MTAP: variants seen among roughly 807,000 people sequenced by gnomAD.
The protein encoded by MTAP is methylthioadenosine phosphorylase, also known as S-methyl-5'-thioadenosine phosphorylase.
MTAP carries 33 observed loss-of-function variants against 33.6 expected under a neutral mutation model. The ratio of observed to expected loss-of-function variants is 0.98; its 90% confidence interval spans 0.74 to 1.31. The LOEUF is 1.31. Ranked by LOEUF, MTAP falls within the 40% of genes most tolerant of loss-of-function variation. MTAP has a pLI of 0.00. For missense variants in MTAP, 367 were observed against 360.0 expected, an observed-to-expected ratio of 1.02 and a Z score of -0.16; for synonymous variants, 148 against 125.7, an observed-to-expected ratio of 1.18 and a Z score of -1.19.
intron 5 of MTAP, among the ~76,000 whole-genome samples, chr9:21,847,903 G>A (rs1445214048): frequency 6.6e-6 from 1 of 152,218 alleles, no homozygotes; most frequent in African/African-American, 2.4e-5. Flanking sequence ...TACTGTTAAA[G>A]TGAGAGCATT....
intron 1 of MTAP, 154 bp downstream of exon 1, chr9:21,802,935 G>A (rs1375539617): frequency 2.1e-6 from 3 of 1,427,066 alleles, no homozygotes; most frequent in South Asian, 1.5e-5. Flanking sequence ...GGACTCACTT[G>A]CCGCGCGAGG....
In MTAP at chr9:21,838,009, A is replaced by C. The variant is rs1009773463; in HGVS notation, c.449A>C (p.Glu150Ala). The change falls in exon 5 of 8, where the codon GAG (glutamate) becomes GCG (alanine). Residue 150 changes from glutamate (E) to alanine (A), a missense_variant and splice_region_variant. Coordinates refer to ENST00000644715, the MANE Select transcript of MTAP (RefSeq NM_002451.4). Reference protein sequence around the residue: ...MAEPFCPKTREVLIETAKKLG... With the variant: ...MAEPFCPKTRAVLIETAKKLG... Reference sequence around the variant, plus strand: ...GAGCCGTTTTGCCCCAAAACGAGAGAGGTGTGTAGTCTTTCTGGAAGGTGT... The same window carrying C: ...GAGCCGTTTTGCCCCAAAACGAGAGCGGTGTGTAGTCTTTCTGGAAGGTGT... 4.3e-6 allele frequency: 7 copies of C among 1,612,554 alleles called. No homozygotes were observed. The highest frequency in any genetic ancestry group is 1.7e-5 in the Admixed American group (1 of 59,978).
intron 4 of MTAP, among the ~76,000 whole-genome samples, chr9:21,827,066 A>G (rs1219681994): frequency 6.6e-6 from 1 of 152,174 alleles, no homozygotes; most frequent in Non-Finnish European, 1.5e-5. Context: ...ATCTTCCATG[A>G]AATCAGTCCC....
chr9:21,864,017 T>C lies in MTAP; in HGVS notation c.*2003T>C. 1 of 985,660 alleles carries C rather than the reference T, an allele frequency of 1.0e-6. No homozygotes were observed. The highest frequency in any genetic ancestry group is 1.2e-6 in the Non-Finnish European group (1 of 829,930). The allele number at this position is 985,660 out of a possible 1,614,324, so 61.1% of individuals were successfully genotyped here. On this transcript the variant is annotated 3_prime_UTR_variant, in exon 8 of 8. Transcript: ENST00000644715. ...CTTCTCTAGCTCTGGTAACGTGTGA[T>C]TGTTTTCACTACAATATGATACATA...
chr9:21,937,376 G>A (rs1819058454), exon 8 of MTAP: 1 of 151,896 alleles, frequency 6.6e-6, no homozygotes, highest in South Asian at 2.1e-4. Context: ...GTAAACTGAT[G>A]CAAAACTAGA....
intron 1 of MTAP, among the ~76,000 whole-genome samples, chr9:21,914,633 G>T (rs186352156): frequency 2.4e-3 from 337 of 138,872 alleles, no homozygotes; most frequent in African/African-American, 7.8e-3. Flanking sequence ...GCCTCTCATG[G>T]GGTGGGGGTG....
At chr9:21,830,006 G>T (rs1375812125) in intron 4 of MTAP, among the ~76,000 whole-genome samples, 3 of 152,176 alleles carry the variant, frequency 2.0e-5, no homozygotes, top group African/African-American at 7.2e-5. Flanking sequence ...GGAGCCCTGG[G>T]TGTGACTGCC....
intron 1 of MTAP, among the ~76,000 whole-genome samples, chr9:21,878,472 C>G (rs1242796409): frequency 6.6e-6 from 1 of 151,850 alleles, no homozygotes; most frequent in Non-Finnish European, 1.5e-5. Flanking sequence ...ATCTTTCTAA[C>G]TTTTAAAATT....
At chr9:21,838,195 G>A (rs1825157105) in intron 5 of MTAP, among the ~76,000 whole-genome samples, 185 bp downstream of exon 5, 1 of 152,174 alleles carries the variant, frequency 6.6e-6, no homozygotes, top group African/African-American at 2.4e-5. Context: ...GTTACTCTCA[G>A]TCATTTTAAG....
intron 5 of MTAP, among the ~76,000 whole-genome samples, chr9:21,841,157 C>T (rs1020099647): frequency 1.3e-5 from 2 of 152,190 alleles, no homozygotes; most frequent in Non-Finnish European, 2.9e-5. Context: ...GATGGTATTT[C>T]CCTACCCACC....
chr9:21,830,667 G>T (rs1824943920), intron 4 of MTAP, among the ~76,000 whole-genome samples: 1 of 152,086 alleles, frequency 6.6e-6, no homozygotes, highest in African/African-American at 2.4e-5. Context: ...CTCTCCTATG[G>T]TACACACCCT....
At chr9:21,812,470 T>C (rs1469975126) in intron 1 of MTAP, 2 of 152,642 alleles carry the variant, frequency 1.3e-5, no homozygotes, top group African/African-American at 4.8e-5. Context: ...TTCAGAACTC[T>C]ATCTTGTGTA....
chr9:21,909,010 T>C (rs1818520865), intron 1 of MTAP, among the ~76,000 whole-genome samples: 4 of 152,050 alleles, frequency 2.6e-5, no homozygotes, highest in South Asian at 2.1e-4. Context: ...CTGGTAAACA[T>C]AACAACAAAA....
chr9:21,840,566 G>T (rs1451666169), intron 5 of MTAP, among the ~76,000 whole-genome samples: 1 of 152,216 alleles, frequency 6.6e-6, no homozygotes. Flanking sequence ...GAAAGTAGAA[G>T]TAGCAACAGG....
chr9:21,887,875 T>TG (rs796756602), intron 1 of MTAP, among the ~76,000 whole-genome samples: 6 of 151,958 alleles, frequency 3.9e-5, no homozygotes, highest in Admixed American at 3.3e-4. Context: ...AAGTTTTGTG[T>TG]GGGGGGGTTG....
chr9:21,827,278 A>G (rs529660341), intron 4 of MTAP, among the ~76,000 whole-genome samples: 1 of 152,120 alleles, frequency 6.6e-6, no homozygotes, highest in East Asian at 1.9e-4. Context: ...ACCTCAGTCC[A>G]TGCTGCTCCT....
chr9:21,874,720 T>G (rs1005567304), intron 1 of MTAP, among the ~76,000 whole-genome samples: 4 of 151,358 alleles, frequency 2.6e-5, no homozygotes, highest in Admixed American at 6.6e-5. Flanking sequence ...AATTATACTT[T>G]AAGTGCTGGG....
intron 1 of MTAP, among the ~76,000 whole-genome samples, chr9:21,894,710 C>T (rs1456386138): frequency 3.3e-5 from 5 of 151,346 alleles, no homozygotes; most frequent in Non-Finnish European, 4.4e-5. Context: ...CAAACCTGCA[C>T]GTTGTGCACA....
chr9:21,844,480 ACAAATTACTAGCTAAC>A (rs1394764845), intron 5 of MTAP, among the ~76,000 whole-genome samples: 2 of 152,222 alleles, frequency 1.3e-5, no homozygotes, highest in Non-Finnish European at 1.5e-5. Context: ...AAAATCCTCA[ACAAATTACTAGCTAAC>A]CAAATCCAAC....
Sources: allele counts gnomAD v4.1 joint callset (sites outside exome capture counted in the v4.1 genomes callset), GRCh38; gene constraint gnomAD v4.1.1; transcripts MANE v1.5; gene names NCBI Gene and HGNC (gene_info 2026-07-23, HGNC 2026-07-21).